The following ZBTB22 variants were observed in gnomAD, a reference collection of about 807,000 sequenced individuals.
The protein encoded by ZBTB22 is zinc finger and BTB domain-containing protein 22.
For missense variants in ZBTB22, 668 were observed against 834.1 expected (o/e 0.80, Z 2.45); for synonymous variants, 356 against 347.3 (o/e 1.03, Z -0.28).
In ZBTB22 at chr6:33,316,611, T is replaced by C; in HGVS notation, c.306A>G (p.Pro102=). ...TSISLPSVMD[P]GAFETVLASA... Reference sequence around the variant, plus strand: ...AGGCTAGGACAGTCTCAAAGGCGCCTGGGTCCATGACACTGGGCAGCGAGA... The same window carrying C: ...AGGCTAGGACAGTCTCAAAGGCGCCCGGGTCCATGACACTGGGCAGCGAGA... The change falls in exon 2 of 2, where the codon CCA becomes CCG. Residue 102 remains proline (P), a synonymous_variant. Coordinates refer to ENST00000431845, the MANE Select transcript of ZBTB22 (RefSeq NM_005453.5). This position sits in a 1 kb window ranked among gnomAD's most constrained non-coding sequence, Gnocchi z 7.2. The C allele has an allele frequency of 6.2e-7, 1 of 1,614,184 alleles. No homozygotes were observed. Among genetic ancestry groups the C allele is most frequent in the Non-Finnish European group, 8.5e-7 (1 of 1,180,018 alleles).
Position 33,316,912 on chromosome 6 carries a change from T to C in ZBTB22, c.5A>G (p.Glu2Gly). The C allele has an allele frequency of 6.3e-7, 1 of 1,590,670 alleles. No individual in the cohort carries two copies. The highest frequency in any genetic ancestry group is 8.6e-7 in the Non-Finnish European group (1 of 1,167,828). The change falls in exon 2 of 2, where the codon GAG becomes GGG. Residue 2 changes from glutamate to glycine, a missense_variant. Glu to Gly is a moderately conservative substitution (Grantham distance 98, BLOSUM62 -2). Coordinates refer to ENST00000431845, the MANE Select transcript of ZBTB22 (RefSeq NM_005453.5). The surrounding 1 kb of genome is among the most constrained non-coding windows in gnomAD (Gnocchi z 7.2). M[E>G]PSPLSPSGAA... ...CCCACTGGGAGACAGAGGAGATGGC[T>C]CCATGTTGTGGAGGGAGGGGATACC...
chr6:33,316,501 A>G lies in ZBTB22; in HGVS notation c.416T>C (p.Ile139Thr), dbSNP rs750295931. The G allele has an allele frequency of 6.2e-7, 1 of 1,614,214 alleles. No individual in the cohort carries two copies. ...TVGSVLQMWH[I>T]VDKCTELLRE... The stretch of plus-strand genomic sequence containing the variant: ...GAGTAGTTCAGTGCACTTGTCCACA[A>G]TGTGCCACATTTGGAGCACAGACCC... The change falls in exon 2 of 2, where the codon ATT becomes ACT. Residue 139 changes from isoleucine (I) to threonine (T), a missense_variant. Coordinates refer to ENST00000431845, the MANE Select transcript of ZBTB22 (RefSeq NM_005453.5). The surrounding 1 kb of genome is among the most constrained non-coding windows in gnomAD (Gnocchi z 7.2).
At position 33,316,294 on chromosome 6, in the gene ZBTB22, T is replaced by C. The variant is rs759923608; in HGVS notation, c.623A>G (p.Tyr208Cys). The C allele has an allele frequency of 1.2e-6, 2 of 1,614,052 alleles. No homozygotes were observed. The highest frequency in any genetic ancestry group is 2.2e-5 in the East Asian group (1 of 44,890). Residue 208 changes from tyrosine (Y) to cysteine (C), a missense_variant, in exon 2 of 2, where the codon TAC becomes TGC. Physicochemically the swap from Tyr to Cys is radical, Grantham distance 194 (BLOSUM62 -2). Coordinates refer to ENST00000431845, the MANE Select transcript of ZBTB22 (RefSeq NM_005453.5). The surrounding 1 kb of genome is among the most constrained non-coding windows in gnomAD (Gnocchi z 7.2). ...ATCAGTGGACTCCCTGGGGCTGAAG[T>C]AGTTGCTGCTGCTGGGAGATTGATT... ...SENQSPSSSN[Y>C]FSPRESTDFS...
Position 33,314,834 on chromosome 6 carries a change from G to A in ZBTB22, c.*178C>T. ...AAATACCTTGGGGGGGAGGGGTTGA[G>A]TAGTAGAATGGGCGGGCGATGGTGA... is the stretch of plus-strand genomic sequence containing the variant. On this transcript the variant is annotated 3_prime_UTR_variant, in exon 2 of 2. Coordinates refer to ENST00000431845, the MANE Select transcript of ZBTB22 (RefSeq NM_005453.5). 1 of 1,255,784 alleles carries A rather than the reference G, an allele frequency of 8.0e-7. No homozygotes were observed. Among genetic ancestry groups the A allele is most frequent in the Non-Finnish European group, 1.1e-6 (1 of 945,470 alleles). The allele number at this position is 1,255,784 out of a possible 1,614,324, so 77.8% of individuals were successfully genotyped here.
chr6:33,317,019 A>G, intron 1 of ZBTB22, 34 bp from the exon 2 acceptor site: 2 of 1,357,868 alleles, frequency 1.5e-6, no homozygotes, highest in Non-Finnish European at 2.0e-6. Context: ...TAATGATAAC[A>G]TCTCATAACG....
At position 33,316,866 on chromosome 6, in the gene ZBTB22, C is replaced by T. The variant is rs1194726534; in HGVS notation, c.51G>A (p.Leu17=). 1.2e-6 allele frequency: 2 copies of T among 1,612,996 alleles called. No individual in the cohort carries two copies. The highest frequency in any genetic ancestry group is 1.7e-6 in the Non-Finnish European group (2 of 1,179,648). The change falls in exon 2 of 2, where the codon CTG becomes CTA. Residue 17 remains leucine (L), a synonymous_variant. Transcript: ENST00000431845. This position sits in a 1 kb window ranked among gnomAD's most constrained non-coding sequence, Gnocchi z 7.2. ...GGGGTAGTGGGGGCGGAGCCAGCGACAGCGGCAGGGGAAGTGCTGCCCCAC... is the reference window on the plus strand; with the variant it reads ...GGGGTAGTGGGGGCGGAGCCAGCGATAGCGGCAGGGGAAGTGCTGCCCCAC... ...SPSGAALPLP[L]SLAPPPLPLP...
rs576744156 is a variant in ZBTB22, at chr6:33,315,546, C to T, written c.1371G>A (p.Gly457=). ...CACCCAGGCTCCCCACCGACGTGCC[C>T]CCCACGGTCACTGCCCCGTGTTCTG... ...NQAEHGAVTV[G]GTSVGSLGVP... Residue 457 remains glycine, a synonymous_variant, in exon 2 of 2, where the codon GGG becomes GGA. Transcript: ENST00000431845. The surrounding 1 kb of genome is among the most constrained non-coding windows in gnomAD (Gnocchi z 5.4). 1 of 1,613,922 alleles carries T rather than the reference C, an allele frequency of 6.2e-7. No individual in the cohort carries two copies. Among genetic ancestry groups the T allele is most frequent in the Non-Finnish European group, 8.5e-7 (1 of 1,180,020 alleles).
Position 33,314,913 on chromosome 6 carries a change from A to C in ZBTB22, c.*99T>G. On this transcript the variant is annotated 3_prime_UTR_variant, in exon 2 of 2. Transcript: ENST00000431845. ...CAAGTCCACAGAGATAAAGGAAGAC[A>C]GTAAGTGTGGTGGGAGATCACCCGG... The C allele has an allele frequency of 6.7e-7, 1 of 1,495,526 alleles. No homozygotes were observed. Among genetic ancestry groups the C allele is most frequent in the Middle Eastern group, 1.8e-4 (1 of 5,536 alleles). 92.6% of individuals were successfully genotyped at this position (1,495,526 alleles called of 1,614,324 possible).
upstream of ZBTB22, chr6:33,317,756 C>T (rs1211137037): frequency 6.8e-6 from 1 of 146,876 alleles, no homozygotes; most frequent in Non-Finnish European, 1.5e-5. Flanking sequence ...CCGCCCTCCG[C>T]CTCCGCTCCG....
In ZBTB22 at chr6:33,316,921, T is replaced by C; in HGVS notation, c.-5A>G. 1 of 1,570,682 alleles carries C rather than the reference T, an allele frequency of 6.4e-7. No individual in the cohort carries two copies. The highest frequency in any genetic ancestry group is 1.2e-5 in the South Asian group (1 of 85,582). Reference sequence around the variant, plus strand: ...AGACAGAGGAGATGGCTCCATGTTGTGGAGGGAGGGGATACCCCCCCAGCC... The same window carrying C: ...AGACAGAGGAGATGGCTCCATGTTGCGGAGGGAGGGGATACCCCCCCAGCC... On this transcript the variant is annotated 5_prime_UTR_variant, in exon 2 of 2. Coordinates refer to ENST00000431845, the MANE Select transcript of ZBTB22 (RefSeq NM_005453.5). The surrounding 1 kb of genome is among the most constrained non-coding windows in gnomAD (Gnocchi z 7.2).
At position 33,315,030 on chromosome 6, in the gene ZBTB22, T is replaced by A; in HGVS notation, c.1887A>T (p.Gly629=). ...RVHKVEMGFG[G]GGGAN ...TGCCCCTTCAGTTTGCTCCTCCACC[T>A]CCACCGAAGCCCATCTCCACCTTGT... Residue 629 remains glycine, a synonymous_variant, in exon 2 of 2, where the codon GGA becomes GGT. Transcript: ENST00000431845. The surrounding 1 kb of genome is among the most constrained non-coding windows in gnomAD (Gnocchi z 5.4). 1.9e-6 allele frequency: 3 copies of A among 1,555,574 alleles called. No individual in the cohort carries two copies. The highest frequency in any genetic ancestry group is 2.6e-6 in the Non-Finnish European group (3 of 1,147,762).
In ZBTB22 at chr6:33,315,762, G is replaced by C. The variant is rs766396903; in HGVS notation, c.1155C>G (p.Gly385=). ...CCACAGGACCCCCACCCTCATATGGGCCAAAGTCATTGGAGGACTCACAGA... is the reference window on the plus strand; with the variant it reads ...CCACAGGACCCCCACCCTCATATGGCCCAAAGTCATTGGAGGACTCACAGA... ...VNFCESSNDF[G]PYEGGGPVAG... Residue 385 remains glycine, a synonymous_variant, in exon 2 of 2, where the codon GGC becomes GGG. Transcript: ENST00000431845. The surrounding 1 kb of genome is among the most constrained non-coding windows in gnomAD (Gnocchi z 5.4). The C allele has an allele frequency of 2.3e-5, 37 of 1,613,088 alleles. No individual in the cohort carries two copies. The highest frequency in any genetic ancestry group is 3.1e-5 in the Non-Finnish European group (36 of 1,179,538).
At position 33,314,909 on chromosome 6, in the gene ZBTB22, A is replaced by C; in HGVS notation, c.*103T>G. 6.7e-7 allele frequency: 1 copy of C among 1,487,542 alleles called. No homozygotes were observed. The highest frequency in any genetic ancestry group is 8.9e-7 in the Non-Finnish European group (1 of 1,118,082). 92.1% of individuals were successfully genotyped at this position (1,487,542 alleles called of 1,614,324 possible). A position where few individuals can be genotyped will look rare whatever the true frequency, so the allele number is the denominator to read the frequency against. On this transcript the variant is annotated 3_prime_UTR_variant, in exon 2 of 2. Transcript: ENST00000431845. ...TATACAAGTCCACAGAGATAAAGGA[A>C]GACAGTAAGTGTGGTGGGAGATCAC...
chr6:33,317,876 A>G (rs1239487354), upstream of ZBTB22: 4 of 151,048 alleles, frequency 2.6e-5, no homozygotes, highest in African/African-American at 7.3e-5. Context: ...GCCACATTCC[A>G]CCTTAAAAGA....
Position 33,315,705 on chromosome 6 carries a change from G to A in ZBTB22, c.1212C>T (p.Pro404=). The A allele has an allele frequency of 6.2e-7, 1 of 1,613,172 alleles. No homozygotes were observed. The highest frequency in any genetic ancestry group is 8.5e-7 in the Non-Finnish European group (1 of 1,179,476). ...AGLDDSGGPT[P]SSYAPSHPPR... is the part of the protein sequence containing the mutation. ...GAGGGTGGGAGGGGGCATAGGAAGA[G>A]GGAGTTGGCCCCCCTGAGTCATCAA... The change falls in exon 2 of 2, where the codon CCC becomes CCT. Residue 404 remains proline, a synonymous_variant. Coordinates refer to ENST00000431845, the MANE Select transcript of ZBTB22 (RefSeq NM_005453.5). This position sits in a 1 kb window ranked among gnomAD's most constrained non-coding sequence, Gnocchi z 5.4.
chr6:33,316,870 G>A lies in ZBTB22; in HGVS notation c.47C>T (p.Pro16Leu), dbSNP rs766700691. Residue 16 changes from proline (P) to leucine (L), a missense_variant, in exon 2 of 2, where the codon CCG (proline) becomes CTG (leucine). Physicochemically the swap from Pro to Leu is moderately conservative, Grantham distance 98. Transcript: ENST00000431845. This position sits in a 1 kb window ranked among gnomAD's most constrained non-coding sequence, Gnocchi z 7.2. Reference protein sequence around the residue: ...LSPSGAALPLPLSLAPPPLPL... With the variant: ...LSPSGAALPLLLSLAPPPLPL... ...TAGTGGGGGCGGAGCCAGCGACAGC[G>A]GCAGGGGAAGTGCTGCCCCACTGGG... 3 of 1,612,696 alleles carry A rather than the reference G, an allele frequency of 1.9e-6. No homozygotes were observed. Among genetic ancestry groups the A allele is most frequent in the Admixed American group, 1.7e-5 (1 of 59,944 alleles).
Position 33,316,376 on chromosome 6 carries a change from C to G in ZBTB22, c.541G>C (p.Val181Leu). ...AGVPSGSGGTVAPATMGSARS... is the reference protein window; with the variant it reads ...AGVPSGSGGTLAPATMGSARS... ...GCAGAGCCCATGGTAGCAGGGGCCA[C>G]AGTGCCCCCACTCCCGGATGGCACC... is the stretch of plus-strand genomic sequence containing the variant. Residue 181 changes from valine (V) to leucine (L), a missense_variant, in exon 2 of 2, where the codon GTG becomes CTG. Physicochemically the swap from Val to Leu is conservative, Grantham distance 32. Coordinates refer to ENST00000431845, the MANE Select transcript of ZBTB22 (RefSeq NM_005453.5). This position sits in a 1 kb window ranked among gnomAD's most constrained non-coding sequence, Gnocchi z 7.2. The G allele has an allele frequency of 1.9e-6, 3 of 1,614,052 alleles. No homozygotes were observed. Among genetic ancestry groups the G allele is most frequent in the Non-Finnish European group, 1.7e-6 (2 of 1,180,026 alleles).
At position 33,316,071 on chromosome 6, in the gene ZBTB22, C is replaced by G. The variant is rs369465956; in HGVS notation, c.846G>C (p.Arg282=). The change falls in exon 2 of 2, where the codon CGG becomes CGC. Residue 282 remains arginine (R), a synonymous_variant. Transcript: ENST00000431845. This position sits in a 1 kb window ranked among gnomAD's most constrained non-coding sequence, Gnocchi z 7.2. Reference sequence around the variant, plus strand: ...TGCTAGGGGGTGTGTAGGTGGGTCTCCGGAGCCCAGCCCCAGGAACCACTG... The same window carrying G: ...TGCTAGGGGGTGTGTAGGTGGGTCTGCGGAGCCCAGCCCCAGGAACCACTG... The part of the protein sequence containing the change: ...RGAVVPGAGL[R]RPTYTPPSIM... 1 of 1,613,406 alleles carries G rather than the reference C, an allele frequency of 6.2e-7. No individual in the cohort carries two copies. The highest frequency in any genetic ancestry group is 1.3e-5 in the African/African-American group (1 of 74,874).
At position 33,316,028 on chromosome 6, in the gene ZBTB22, A is replaced by T; in HGVS notation, c.889T>A (p.Trp297Arg). Reference protein sequence around the residue: ...TPPSIMPQKHWVYVKRGGNCP... With the variant: ...TPPSIMPQKHRVYVKRGGNCP... ...TTACCACCTCGCTTCACGTATACCCAGTGTTTCTGTGGCATGATGCTAGGG... is the reference window on the plus strand; with the variant it reads ...TTACCACCTCGCTTCACGTATACCCTGTGTTTCTGTGGCATGATGCTAGGG... Residue 297 changes from tryptophan to arginine, a missense_variant, in exon 2 of 2, where the codon TGG (tryptophan) becomes AGG (arginine). By Grantham distance (101) the Trp-to-Arg change is moderately radical (BLOSUM62 -3). Coordinates refer to ENST00000431845, the MANE Select transcript of ZBTB22 (RefSeq NM_005453.5). The surrounding 1 kb of genome is among the most constrained non-coding windows in gnomAD (Gnocchi z 7.2). 1 of 1,613,992 alleles carries T rather than the reference A, an allele frequency of 6.2e-7. No individual in the cohort carries two copies. Among genetic ancestry groups the T allele is most frequent in the Non-Finnish European group, 8.5e-7 (1 of 1,179,962 alleles).
Sources: gnomAD v4.1 joint callset for allele counts on GRCh38, gnomAD v4.1.1 for gene constraint, Gnocchi (gnomAD v3.1) non-coding constraint, MANE v1.5 for transcripts, NCBI Gene and HGNC (gene_info 2026-07-23, HGNC 2026-07-21) for gene names.